RELCH: variants seen among roughly 807,000 people sequenced by gnomAD.
RELCH encodes RAB11 binding and LisH domain, coiled-coil and HEAT repeat containing, also known as RAB11-binding protein RELCH.
A neutral mutation model predicts 150.3 loss-of-function variants in RELCH; 41 were observed. That is an observed-to-expected ratio of 0.27 (90% confidence interval 0.21 to 0.35). The LOEUF (loss-of-function observed/expected upper bound fraction) is 0.35, where lower values mean the gene tolerates loss of function less well. Among genes scored for constraint, RELCH ranks in the 10% least tolerant of loss-of-function variants. RELCH has a pLI of 1.00. For synonymous variants in RELCH, 478 were observed against 531.8 expected, an observed-to-expected ratio of 0.90 and a Z score of 1.39; for missense variants, 1,092 against 1,467.8, an observed-to-expected ratio of 0.74 and a Z score of 4.18.
At chr18:62,201,564 G>T (rs1296917850) in intron 1 of RELCH, among the ~76,000 whole-genome samples, 4 of 151,902 alleles carry the variant, frequency 2.6e-5, no homozygotes, top group African/African-American at 9.7e-5. Context: ...AATTATGGGG[G>T]AAAATGCCAA....
chr18:62,279,134 T>C (rs747264175), intron 22 of RELCH, among the ~76,000 whole-genome samples: 3 of 152,190 alleles, frequency 2.0e-5, no homozygotes, highest in Non-Finnish European at 2.9e-5. Context: ...GAAAATACTA[T>C]GTATCTAAGA....
In RELCH at chr18:62,187,710, C is replaced by A; in HGVS notation, c.205C>A (p.Pro69Thr). 6.2e-7 allele frequency: 1 copy of A among 1,602,012 alleles called. No homozygotes were observed. The highest frequency in any genetic ancestry group is 8.5e-7 in the Non-Finnish European group (1 of 1,171,876). ...CGTGGCCTTAGGAAGCAGTGCGCGG[C>A]CAGGGCTCCCTGGGGAGGCGTCGGC... is the stretch of plus-strand genomic sequence containing the variant. The part of the protein sequence containing the change: ...DPVALGSSAR[P>T]GLPGEASAAA... Residue 69 changes from proline to threonine, a missense_variant, in exon 1 of 29, where the codon CCA becomes ACA. Pro to Thr is a conservative substitution (Grantham distance 38, BLOSUM62 -1). This residue lies in a region of RELCH where 138 missense variants were observed against 124.8 expected (regional missense o/e 1.11). Coordinates refer to ENST00000644646, the MANE Select transcript of RELCH (RefSeq NM_001346231.2).
intron 2 of RELCH, among the ~76,000 whole-genome samples, chr18:62,214,667 C>T (rs1235063904): frequency 1.3e-5 from 2 of 152,120 alleles, no homozygotes; most frequent in Non-Finnish European, 2.9e-5. Flanking sequence ...CCCCATAGCT[C>T]ATACACTCTG....
chr18:62,233,075 A>G (rs1484978575), intron 10 of RELCH, among the ~76,000 whole-genome samples: 1 of 151,872 alleles, frequency 6.6e-6, no homozygotes, highest in Non-Finnish European at 1.5e-5. Context: ...AGCCTATGTT[A>G]TGATCCATAA....
chr18:62,196,623 T>C (rs1392428672), intron 1 of RELCH, among the ~76,000 whole-genome samples: 1 of 152,242 alleles, frequency 6.6e-6, no homozygotes, highest in Non-Finnish European at 1.5e-5. Flanking sequence ...CCTAAATATA[T>C]CTACTGTGTA....
At chr18:62,205,324 T>C (rs9948998) in intron 1 of RELCH, among the ~76,000 whole-genome samples, 8,815 of 152,228 alleles carry the variant, frequency 0.058, 840 homozygotes, top group African/African-American at 0.2. Context: ...ATATTATATA[T>C]ACAATATTAC....
chr18:62,220,623 G>A (rs2040806428), intron 2 of RELCH, among the ~76,000 whole-genome samples: 1 of 151,428 alleles, frequency 6.6e-6, no homozygotes, highest in African/African-American at 2.4e-5. Flanking sequence ...ATATTTGCTT[G>A]GGCTTCATCT....
At chr18:62,225,647 G>A (rs138493010) in intron 5 of RELCH, among the ~76,000 whole-genome samples, 1 of 151,986 alleles carries the variant, frequency 6.6e-6, no homozygotes, top group Admixed American at 6.6e-5. Context: ...ACCACAACAC[G>A]TTAATTAGAA....
At chr18:62,247,979 G>A (rs1470352685) in intron 11 of RELCH, among the ~76,000 whole-genome samples, 1 of 152,104 alleles carries the variant, frequency 6.6e-6, no homozygotes, top group African/African-American at 2.4e-5. Context: ...ACATCCTGAT[G>A]GACAAAATGT....
intron 5 of RELCH, 44 bp downstream of exon 5, chr18:62,221,541 A>T (rs1487633711): frequency 2.4e-6 from 2 of 832,710 alleles, no homozygotes; most frequent in Non-Finnish European, 3.7e-6. Flanking sequence ...TTCTACACTT[A>T]TAATTCACTT....
intron 15 of RELCH, among the ~76,000 whole-genome samples, chr18:62,260,340 T>C (rs1438315867): frequency 1.3e-5 from 2 of 149,724 alleles, no homozygotes; most frequent in Admixed American, 1.3e-4. Context: ...TGAAGTATCA[T>C]GTCACCCCAG....
rs765939033 is a variant in RELCH, at chr18:62,187,501, A to G, written c.-5A>G. 9 of 1,513,260 alleles carry G rather than the reference A, an allele frequency of 5.9e-6. No individual in the cohort carries two copies. Among genetic ancestry groups the G allele is most frequent in the South Asian group, 1.3e-5 (1 of 74,408 alleles). The allele number at this position is 1,513,260 out of a possible 1,614,324, so 93.7% of individuals were successfully genotyped here. On this transcript the variant is annotated 5_prime_UTR_variant, in exon 1 of 29. Coordinates refer to ENST00000644646, the MANE Select transcript of RELCH (RefSeq NM_001346231.2). ...GGGAGGCGCCCACACTCCTGACAGG[A>G]TAAGATGGCGGCGATGGCGCCTGGA...
intron 11 of RELCH, among the ~76,000 whole-genome samples, chr18:62,247,972 T>C (rs2042508604): frequency 6.6e-6 from 1 of 152,150 alleles, no homozygotes; most frequent in African/African-American, 2.4e-5. Context: ...TCATAATACA[T>C]CCTGATGGAC....
In RELCH at chr18:62,227,425, A is replaced by G; in HGVS notation, c.995A>G (p.Glu332Gly). 2 of 1,613,406 alleles carry G rather than the reference A, an allele frequency of 1.2e-6. No individual in the cohort carries two copies. Among genetic ancestry groups the G allele is most frequent in the Non-Finnish European group, 1.7e-6 (2 of 1,179,638 alleles). ...VDVASGVEED[E>G]LEALTPIISN... ...GTGGCCAGTGGAGTAGAAGAAGATG[A>G]ATTAGAGGCCCTTACACCAATTATA... Residue 332 changes from glutamate (E) to glycine (G), a missense_variant, in exon 6 of 29, where the codon GAA becomes GGA. Coordinates refer to ENST00000644646, the MANE Select transcript of RELCH (RefSeq NM_001346231.2).
intron 2 of RELCH, among the ~76,000 whole-genome samples, chr18:62,214,132 G>A (rs1440228938): frequency 6.6e-6 from 1 of 151,886 alleles, no homozygotes; most frequent in Non-Finnish European, 1.5e-5. Context: ...TTTAATTGCT[G>A]TACTGTGCTC....
chr18:62,302,061 T>C lies in RELCH; in HGVS notation c.3530+3201T>C, dbSNP rs2045687856. Among the ~76,000 whole-genome samples, 3 of 152,206 alleles carry C rather than the reference T, an allele frequency of 2.0e-5. No individual in the cohort carries two copies. In the South Asian group the frequency reaches 6.2e-4, roughly 32 times the overall value. On this transcript the variant is annotated intron_variant, in intron 28 of 28. Coordinates refer to ENST00000644646, the MANE Select transcript of RELCH (RefSeq NM_001346231.2). Reference sequence around the variant, plus strand: ...ACCACCATGTTATAATGCCAGTGTATGGCAGTGAATATGAGAAGATGGATT... The same window carrying C: ...ACCACCATGTTATAATGCCAGTGTACGGCAGTGAATATGAGAAGATGGATT...
At chr18:62,285,461 AT>A (rs1161396352) in intron 25 of RELCH, 1 of 152,274 alleles carries the variant, frequency 6.6e-6, no homozygotes, top group Non-Finnish European at 1.5e-5. Context: ...CAGTTTTAGA[AT>A]TAGCCTGTCT....
intron 23 of RELCH, 46 bp from the exon 24 acceptor site, chr18:62,280,600 T>C: frequency 2.8e-6 from 4 of 1,431,610 alleles, no homozygotes. Context: ...ATAATACTCG[T>C]TGTTCATCTC....
chr18:62,265,761 A>G (rs2043523011), intron 18 of RELCH, among the ~76,000 whole-genome samples: 1 of 151,950 alleles, frequency 6.6e-6, no homozygotes, highest in Non-Finnish European at 1.5e-5. Flanking sequence ...CATGTGTGAA[A>G]TGAAGAATTT....
Sources: allele counts gnomAD v4.1 joint callset (sites outside exome capture counted in the v4.1 genomes callset), GRCh38; gene constraint gnomAD v4.1.1; regional missense constraint gnomAD v4.1.1; transcripts MANE v1.5; gene names NCBI Gene and HGNC (gene_info 2026-07-23, HGNC 2026-07-21).